The following DAB2IP variants were observed in gnomAD, a reference collection of about 807,000 sequenced individuals.
The protein encoded by DAB2IP is DAB2 interacting protein, also known as disabled homolog 2-interacting protein.
Under a neutral mutation model 107.2 loss-of-function variants are expected in DAB2IP, and 28 were observed. The observed-to-expected ratio is 0.26, with a 90% CI of 0.19 to 0.36. The LOEUF (loss-of-function observed/expected upper bound fraction) is 0.36. DAB2IP is among the 10% of genes least tolerant of loss of function. DAB2IP has a pLI of 1.00. For synonymous variants in DAB2IP, 755 were observed against 706.4 expected (o/e 1.07, Z -1.09); for missense variants, 1,400 against 1,644.7 (o/e 0.85, Z 2.57).
chr9:121,776,120 C>T lies in DAB2IP; in HGVS notation c.3121-78C>T. The T allele has an allele frequency of 1.3e-6, 2 of 1,507,130 alleles. No individual in the cohort carries two copies. The highest frequency in any genetic ancestry group is 2.5e-5 in the South Asian group (2 of 79,390). 93.4% of individuals were successfully genotyped at this position (1,507,130 alleles called of 1,614,324 possible). A position where few individuals can be genotyped will look rare whatever the true frequency, so the allele number is the denominator to read the frequency against. ...CTTTCAAGTGGGGCTCCCTCCTACC[C>T]TTCCTCCCACTCGGGCTGACGAAGC... is the stretch of plus-strand genomic sequence containing the variant. On this transcript the variant is annotated intron_variant, in intron 13 of 15. Transcript: ENST00000408936. This position sits in a 1 kb window ranked among gnomAD's most constrained non-coding sequence, Gnocchi z 5.4.
chr9:121,782,686 G>T lies in DAB2IP; in HGVS notation c.*188G>T, dbSNP rs1835748321. The T allele has an allele frequency of 5.6e-6, 8 of 1,428,030 alleles. No homozygotes were observed. The highest frequency in any genetic ancestry group is 7.3e-6 in the Non-Finnish European group (8 of 1,094,956). 88.5% of individuals were successfully genotyped at this position (1,428,030 alleles called of 1,614,324 possible). On this transcript the variant is annotated 3_prime_UTR_variant, in exon 16 of 16. Transcript: ENST00000408936. This position sits in a 1 kb window ranked among gnomAD's most constrained non-coding sequence, Gnocchi z 6.1. Reference sequence around the variant, plus strand: ...CCACCAGAGACTGAAGCAGCGTGAGGCGAGGTCACCAGCCGCTCCCTGTGG... The same window carrying T: ...CCACCAGAGACTGAAGCAGCGTGAGTCGAGGTCACCAGCCGCTCCCTGTGG...
chr9:121,710,790 G>A (rs1438905306), intron 3 of DAB2IP, among the ~76,000 whole-genome samples: 1 of 152,170 alleles, frequency 6.6e-6, no homozygotes, highest in Non-Finnish European at 1.5e-5. Context: ...GGTGAAGCTG[G>A]CGCTGAAATC....
intron 3 of DAB2IP, among the ~76,000 whole-genome samples, chr9:121,734,095 G>GAAAGGAGCCTGCAAGC (rs1405336410): frequency 1.3e-5 from 2 of 151,514 alleles, no homozygotes; most frequent in African/African-American, 4.9e-5. Flanking sequence ...AGATGTTGCT[G>GAAAGGAGCCTGCAAGC]GGCCGGGCGC....
At chr9:121,728,100 T>C (rs1330103386) in intron 3 of DAB2IP, among the ~76,000 whole-genome samples, 1 of 152,150 alleles carries the variant, frequency 6.6e-6, no homozygotes, top group Non-Finnish European at 1.5e-5. Context: ...GAGAATATTA[T>C]GGAATTGTTT....
At chr9:121,593,663 CT>C (rs1450077215) in intron 1 of DAB2IP, among the ~76,000 whole-genome samples, 1 of 77,008 alleles carries the variant, frequency 1.3e-5, no homozygotes, top group African/African-American at 6.3e-5. Context: ...TTTCTTTTTT[CT>C]TTTTTTTTCT....
Position 121,673,057 on chromosome 9 carries a change from G to C in DAB2IP, c.125-5621G>C, listed in dbSNP as rs185706950. Among the ~76,000 whole-genome samples, 17 of 152,316 alleles carry C rather than the reference G, an allele frequency of 1.1e-4. No individual in the cohort carries two copies. In the East Asian group the frequency reaches 3.1e-3, roughly 28 times the overall value. On this transcript the variant is annotated intron_variant, in intron 1 of 15. Coordinates refer to ENST00000408936, the Ensembl canonical transcript of DAB2IP. The stretch of plus-strand genomic sequence containing the variant: ...TTCTTTTCCTGTGTAAAATAATAGA[G>C]GGTGTGTGTGTGTTTTTACTTGGTT...
In DAB2IP at chr9:121,699,309, G is replaced by A; in HGVS notation, c.229-16G>A. 1 of 1,381,170 alleles carries A rather than the reference G, an allele frequency of 7.2e-7. No individual in the cohort carries two copies. The highest frequency in any genetic ancestry group is 9.5e-7 in the Non-Finnish European group (1 of 1,049,290). 85.6% of individuals were successfully genotyped at this position (1,381,170 alleles called of 1,614,324 possible). ...AACCCCGCCTCCCCTTCCCCCTCTT[G>A]TCCCCCCGTGCGCAGGGCTTCCTCA... is the stretch of plus-strand genomic sequence containing the variant. On this transcript the variant is annotated splice_polypyrimidine_tract_variant and intron_variant, in intron 2 of 15. Transcript: ENST00000408936. This position sits in a 1 kb window ranked among gnomAD's most constrained non-coding sequence, Gnocchi z 6.2.
chr9:121,663,660 T>C (rs1334859174), intron 1 of DAB2IP, among the ~76,000 whole-genome samples: 1 of 152,224 alleles, frequency 6.6e-6, no homozygotes, highest in African/African-American at 2.4e-5. Context: ...TTCCATGGCC[T>C]CAGGACACTG....
chr9:121,596,957 T>A (rs1830544414), intron 1 of DAB2IP, among the ~76,000 whole-genome samples: 1 of 152,192 alleles, frequency 6.6e-6, no homozygotes, highest in Non-Finnish European at 1.5e-5. Flanking sequence ...GGATTTTGTT[T>A]TATATTTCTC....
In DAB2IP at chr9:121,776,462, C is replaced by G. The variant is rs1768448356; in HGVS notation, c.3314+71C>G. ...AGCCATCGCTGCCTTCGAGGAGGCC[C>G]CTGGTCGGGGAGCCTCCTCAAAGGA... On this transcript the variant is annotated intron_variant, in intron 14 of 15. Transcript: ENST00000408936. This position sits in a 1 kb window ranked among gnomAD's most constrained non-coding sequence, Gnocchi z 5.4. 7.0e-7 allele frequency: 1 copy of G among 1,431,314 alleles called. No homozygotes were observed. Among genetic ancestry groups the G allele is most frequent in the African/African-American group, 1.4e-5 (1 of 69,264 alleles). 88.7% of individuals were successfully genotyped at this position (1,431,314 alleles called of 1,614,324 possible).
At chr9:121,723,079 A>G (rs1831031658) in intron 3 of DAB2IP, among the ~76,000 whole-genome samples, 1 of 152,198 alleles carries the variant, frequency 6.6e-6, no homozygotes, top group African/African-American at 2.4e-5. Flanking sequence ...CCTAGCTGCC[A>G]TGGCCCAGAG....
chr9:121,763,366 T>C (rs1462490652), intron 6 of DAB2IP, 139 bp from the exon 7 acceptor site: 1 of 1,258,594 alleles, frequency 7.9e-7, no homozygotes, highest in Non-Finnish European at 1.1e-6. Flanking sequence ...GTGGGCACAC[T>C]GTTCCTCTCC....
chr9:121,575,632 A>G (rs1186793991), intron 1 of DAB2IP, among the ~76,000 whole-genome samples: 1 of 152,118 alleles, frequency 6.6e-6, no homozygotes, highest in East Asian at 1.9e-4. Flanking sequence ...CCAAAGAGGC[A>G]GGTGGACCCC....
chr9:121,621,476 G>A (rs538730425), intron 1 of DAB2IP, among the ~76,000 whole-genome samples: 9 of 152,174 alleles, frequency 5.9e-5, no homozygotes, highest in African/African-American at 2.2e-4. Context: ...CCTTGCCTGT[G>A]TTTCTCAAAG....
At position 121,773,509 on chromosome 9, in the gene DAB2IP, G is replaced by A. The variant is rs760217900; in HGVS notation, c.2967+14G>A. 9 of 1,482,484 alleles carry A rather than the reference G, an allele frequency of 6.1e-6. No homozygotes were observed. In the South Asian group the frequency reaches 1.2e-4, roughly 19 times the overall value. The allele number at this position is 1,482,484 out of a possible 1,614,324, so 91.8% of individuals were successfully genotyped here. The stretch of plus-strand genomic sequence containing the variant: ...GTGCACAAGCAGGTCAGTGCTGCTA[G>A]TCAGAGGGCAGGGCTGGGCACTTGG... On this transcript the variant is annotated intron_variant, in intron 12 of 15. Transcript: ENST00000408936.
chr9:121,752,737 G>A (rs1005018472), intron 3 of DAB2IP, among the ~76,000 whole-genome samples: 9 of 152,260 alleles, frequency 5.9e-5, no homozygotes, highest in Admixed American at 3.9e-4. Flanking sequence ...TCTGGGGCTG[G>A]CATTGAATCC....
At chr9:121,695,798 C>T (rs1390906977) in intron 2 of DAB2IP, among the ~76,000 whole-genome samples, 1 of 152,254 alleles carries the variant, frequency 6.6e-6, no homozygotes, top group Non-Finnish European at 1.5e-5. Context: ...GGGAATTGCA[C>T]ATGGCTTTTG....
At position 121,699,532 on chromosome 9, in the gene DAB2IP, C is replaced by T; in HGVS notation, c.362+74C>T. 5 of 1,158,592 alleles carry T rather than the reference C, an allele frequency of 4.3e-6. No individual in the cohort carries two copies. The highest frequency in any genetic ancestry group is 5.3e-6 in the Non-Finnish European group (5 of 938,402). The allele number at this position is 1,158,592 out of a possible 1,614,324, so 71.8% of individuals were successfully genotyped here. A position where few individuals can be genotyped will look rare whatever the true frequency, so the allele number is the denominator to read the frequency against. On this transcript the variant is annotated intron_variant, in intron 3 of 15. Transcript: ENST00000408936. This position sits in a 1 kb window ranked among gnomAD's most constrained non-coding sequence, Gnocchi z 6.2. Reference sequence around the variant, plus strand: ...CGCCCCTGAGGACGCGGGGACAAAGCGCGAGCCCGGCCCGGGGCGAGCCAC... The same window carrying T: ...CGCCCCTGAGGACGCGGGGACAAAGTGCGAGCCCGGCCCGGGGCGAGCCAC...
intron 1 of DAB2IP, among the ~76,000 whole-genome samples, chr9:121,653,877 G>C (rs546102334): frequency 6.6e-6 from 1 of 152,338 alleles, no homozygotes; most frequent in African/African-American, 2.4e-5. Flanking sequence ...CCTGCAGAGC[G>C]GGGAGGAGAC....
Sources: gnomAD v4.1 joint callset for allele counts (sites outside exome capture counted in the v4.1 genomes callset) on GRCh38, gnomAD v4.1.1 for gene constraint, Gnocchi (gnomAD v3.1) non-coding constraint, MANE v1.5 for transcripts, NCBI Gene and HGNC (gene_info 2026-07-23, HGNC 2026-07-21) for gene names.